LCOR: variants seen among roughly 807,000 people sequenced by gnomAD.
LCOR encodes the protein ligand dependent nuclear receptor corepressor.
A neutral mutation model predicts 64.4 loss-of-function variants in LCOR; 14 were observed. The observed-to-expected ratio is 0.22, with a 90% CI of 0.14 to 0.34. The LOEUF is 0.34. Ranked by LOEUF, LCOR falls within the 10% of genes least tolerant of loss-of-function variation. The pLI, the probability that LCOR is intolerant of heterozygous loss-of-function variation, is 1.00. For missense variants in LCOR, 1,686 were observed against 1,765.3 expected (o/e 0.96, Z 0.80); for synonymous variants, 643 against 642.5 (o/e 1.00, Z -0.01).
At chr10:96,891,340 G>A (rs1846436085) in intron 2 of LCOR, among the ~76,000 whole-genome samples, 1 of 151,680 alleles carries the variant, frequency 6.6e-6, no homozygotes, top group Non-Finnish European at 1.5e-5. Context: ...CTATAAGATT[G>A]TAAAGATGTC....
chr10:96,921,649 C>T (rs1008218376), intron 4 of LCOR, among the ~76,000 whole-genome samples: 1 of 151,812 alleles, frequency 6.6e-6, no homozygotes, highest in Non-Finnish European at 1.5e-5. Context: ...TTTTTAGTAG[C>T]GATGGGGTTT....
chr10:96,874,980 T>A (rs1335737339), intron 2 of LCOR, among the ~76,000 whole-genome samples: 3 of 152,054 alleles, frequency 2.0e-5, no homozygotes, highest in Non-Finnish European at 4.4e-5. Context: ...TCTTTGAGAT[T>A]CCATCCAGAC....
chr10:96,967,651 T>A (rs1156592055), intron 7 of LCOR, among the ~76,000 whole-genome samples: 1 of 152,130 alleles, frequency 6.6e-6, no homozygotes, highest in Non-Finnish European at 1.5e-5. Flanking sequence ...CAGTAGAAAC[T>A]CTTTATTGAA....
chr10:96,955,497 A>C (rs199932574), intron 7 of LCOR: 2 of 1,614,148 alleles, frequency 1.2e-6, no homozygotes, highest in East Asian at 4.5e-5. Context: ...TAAAAAATTA[A>C]GGGCTATTCT....
intron 4 of LCOR, among the ~76,000 whole-genome samples, chr10:96,922,290 G>C (rs1197202836): frequency 6.6e-6 from 1 of 151,936 alleles, no homozygotes; most frequent in Admixed American, 6.6e-5. Flanking sequence ...GCCACTGTGG[G>C]ATCAATAAAG....
Position 96,866,911 on chromosome 10 carries a change from T to C in LCOR, c.-330+33432T>C, listed in dbSNP as rs531688576. Reference sequence around the variant, plus strand: ...CTTGAAAGAGGTTGTGCCACCACTTTACATTCCCACCAACAATGTATGAGA... The same window carrying C: ...CTTGAAAGAGGTTGTGCCACCACTTCACATTCCCACCAACAATGTATGAGA... On this transcript the variant is annotated intron_variant, in intron 2 of 7. Coordinates refer to ENST00000421806, the MANE Select transcript of LCOR (RefSeq NM_001346516.2). Among the ~76,000 whole-genome samples, 3 of 152,318 alleles carry C rather than the reference T, an allele frequency of 2.0e-5. No homozygotes were observed. In the East Asian group the frequency reaches 5.8e-4, roughly 29 times the overall value.
In LCOR at chr10:96,982,895, C is replaced by T; in HGVS notation, c.2435C>T (p.Ala812Val). Residue 812 changes from alanine (A) to valine (V), a missense_variant, in exon 8 of 8, where the codon GCC becomes GTC. Ala to Val is a moderately conservative substitution (Grantham distance 64). Transcript: ENST00000421806. ...KKKKGKKFPE[A>V]SDRCLRSQLS... is the part of the protein sequence containing the mutation. ...AAAAAAGGTAAAAAATTCCCTGAGG[C>T]CTCTGATAGGTGCCTAAGAAGTCAA... 6.2e-7 allele frequency: 1 copy of T among 1,614,054 alleles called. No homozygotes were observed.
At chr10:96,923,678 C>T (rs1490014695) in intron 4 of LCOR, among the ~76,000 whole-genome samples, 1 of 152,114 alleles carries the variant, frequency 6.6e-6, no homozygotes, top group Non-Finnish European at 1.5e-5. Flanking sequence ...CTATTTATTG[C>T]CTTAAGGACT....
chr10:96,950,168 A>G (rs1847653229), intron 6 of LCOR, among the ~76,000 whole-genome samples: 2 of 152,196 alleles, frequency 1.3e-5, no homozygotes, highest in Non-Finnish European at 2.9e-5. Flanking sequence ...TACGAGATTT[A>G]TTGTAACCTT....
chr10:96,874,472 T>C (rs999244052), intron 2 of LCOR, among the ~76,000 whole-genome samples: 5 of 152,194 alleles, frequency 3.3e-5, no homozygotes, highest in African/African-American at 1.2e-4. Context: ...CATGTCCCAG[T>C]AATCAGCATA....
At chr10:96,973,094 C>T (rs1848012103) in intron 7 of LCOR, among the ~76,000 whole-genome samples, 2 of 152,136 alleles carry the variant, frequency 1.3e-5, no homozygotes, top group African/African-American at 4.8e-5. Context: ...TTGAAAATTG[C>T]TTTTTCTGTA....
intron 2 of LCOR, among the ~76,000 whole-genome samples, chr10:96,862,652 T>A (rs1004319078): frequency 6.6e-6 from 1 of 152,082 alleles, no homozygotes; most frequent in African/African-American, 2.4e-5. Context: ...GGAAGGTGGG[T>A]TGCAAGTCTC....
At chr10:96,920,029 CAT>C (rs1243121305) in intron 4 of LCOR, among the ~76,000 whole-genome samples, 1 of 152,136 alleles carries the variant, frequency 6.6e-6, no homozygotes, top group Admixed American at 6.5e-5. Flanking sequence ...ATTGTTGGAT[CAT>C]ATGGTAATCC....
intron 2 of LCOR, among the ~76,000 whole-genome samples, chr10:96,842,218 A>AC (rs779223943): frequency 8.4e-4 from 127 of 151,880 alleles, no homozygotes; most frequent in Non-Finnish European, 1.4e-3. Flanking sequence ...ACATGGTGAA[A>AC]CCCCCATCTT....
intron 4 of LCOR, among the ~76,000 whole-genome samples, chr10:96,924,685 C>G (rs1847137941): frequency 6.6e-6 from 1 of 151,716 alleles, no homozygotes; most frequent in Admixed American, 6.6e-5. Context: ...CATTTTTGTT[C>G]TTTGTCATAA....
At chr10:96,932,929 TTATAG>T (rs1258706428) in intron 4 of LCOR, among the ~76,000 whole-genome samples, 2 of 152,212 alleles carry the variant, frequency 1.3e-5, no homozygotes, top group Admixed American at 6.5e-5. Flanking sequence ...ATGGTTTCTC[TTATAG>T]TAATCTATCC....
intron 2 of LCOR, among the ~76,000 whole-genome samples, chr10:96,903,294 A>T (rs774494954): frequency 9.2e-5 from 14 of 152,206 alleles, no homozygotes; most frequent in Non-Finnish European, 1.8e-4. Flanking sequence ...ATTGCAGTCC[A>T]ACATTACAAT....
At chr10:96,952,263 C>A in intron 7 of LCOR, 67 bp downstream of exon 7, 1 of 1,041,574 alleles carries the variant, frequency 9.6e-7, no homozygotes, top group South Asian at 1.4e-5. Context: ...TGATGCCAGT[C>A]TCCCTTTTAC....
At chr10:96,849,011 G>GTT (rs144865916) in intron 2 of LCOR, among the ~76,000 whole-genome samples, 3,052 of 106,488 alleles carry the variant, frequency 0.029, 188 homozygotes, top group East Asian at 0.044. Flanking sequence ...AGTTGAAAAT[G>GTT]TTTTTTTTTT....
Sources: gnomAD v4.1 joint callset for allele counts (sites outside exome capture counted in the v4.1 genomes callset) on GRCh38, gnomAD v4.1.1 for gene constraint, MANE v1.5 for transcripts, NCBI Gene and HGNC (gene_info 2026-07-23, HGNC 2026-07-21) for gene names.